The following ZRANB3 variants were observed in gnomAD, a reference collection of about 807,000 sequenced individuals.
ZRANB3 encodes the protein DNA annealing helicase and endonuclease ZRANB3.
Under a neutral mutation model 133.8 loss-of-function variants are expected in ZRANB3, and 125 were observed. That is an observed-to-expected ratio of 0.93 (90% CI 0.81 to 1.08). The LOEUF is 1.08. ZRANB3 is among the 50% of genes least tolerant of loss of function. The probability of loss-of-function intolerance (pLI) is 0.00; values close to 1 mark genes in which losing one functional copy is unlikely to be tolerated. For synonymous variants in ZRANB3, 387 were observed against 432.7 expected (o/e 0.89, Z 1.31); for missense variants, 1,229 against 1,275.5 (o/e 0.96, Z 0.56).
chr2:135,227,708 TA>T, intron 14 of ZRANB3, 103 bp downstream of exon 14: 1 of 1,188,056 alleles, frequency 8.4e-7, no homozygotes, highest in Non-Finnish European at 1.2e-6. Context: ...TAAAAGAGAG[TA>T]AAAGGAACCT....
At chr2:135,302,298 C>A (rs1035642353) in intron 8 of ZRANB3, among the ~76,000 whole-genome samples, 1 of 152,082 alleles carries the variant, frequency 6.6e-6, no homozygotes, top group Non-Finnish European at 1.5e-5. Context: ...GTTCCAATTT[C>A]CATAGGTGGT....
intron 2 of ZRANB3, among the ~76,000 whole-genome samples, chr2:135,472,710 A>G (rs1267484317): frequency 6.6e-6 from 1 of 152,154 alleles, no homozygotes. Context: ...AGAAAGAGTA[A>G]AGCAAAAATA....
chr2:135,359,633 GAGAAGAAA>G, intron 3 of ZRANB3, among the ~76,000 whole-genome samples: 2 of 150,614 alleles, frequency 1.3e-5, no homozygotes, highest in South Asian at 4.2e-4. Context: ...GAAAAGAAAG[GAGAAGAAA>G]AGAAGAAAAG....
chr2:135,342,949 G>T (rs1368292997), intron 6 of ZRANB3, among the ~76,000 whole-genome samples: 2 of 140,824 alleles, frequency 1.4e-5, no homozygotes, highest in East Asian at 4.1e-4. Flanking sequence ...TGGATCACCT[G>T]AGGTCAGGAA....
chr2:135,403,615 A>G (rs1298230488), intron 2 of ZRANB3, among the ~76,000 whole-genome samples: 1 of 152,248 alleles, frequency 6.6e-6, no homozygotes, highest in Non-Finnish European at 1.5e-5. Flanking sequence ...TGGTTATCCC[A>G]GCACGCAGCT....
chr2:135,426,891 T>A (rs1332688260), intron 2 of ZRANB3, among the ~76,000 whole-genome samples: 11 of 56,600 alleles, frequency 1.9e-4, no homozygotes, highest in Admixed American at 2.6e-4. Context: ...TATATATATA[T>A]ATATATATAT....
Position 135,200,398 on chromosome 2 carries a change from G to C in ZRANB3, c.3184C>G (p.Gln1062Glu). The C allele has an allele frequency of 6.2e-7, 1 of 1,607,974 alleles. No homozygotes were observed. Among genetic ancestry groups the C allele is most frequent in the Non-Finnish European group, 8.5e-7 (1 of 1,177,028 alleles). ...QAKERSQVRRQSLASKHGSDI... is the reference protein window; with the variant it reads ...QAKERSQVRRESLASKHGSDI... ...GATCCATGCTTTGATGCTAGAGATTGTCTTCTCACCTGGCTTCTTTCCTTA... is the reference window on the plus strand; with the variant it reads ...GATCCATGCTTTGATGCTAGAGATTCTCTTCTCACCTGGCTTCTTTCCTTA... The change falls in exon 21 of 21, where the codon CAA becomes GAA. Residue 1062 changes from glutamine to glutamate, a missense_variant. Coordinates refer to ENST00000264159, the MANE Select transcript of ZRANB3 (RefSeq NM_032143.4).
At chr2:135,324,767 C>T (rs529754149) in intron 6 of ZRANB3, among the ~76,000 whole-genome samples, 34 of 152,146 alleles carry the variant, frequency 2.2e-4, no homozygotes, top group South Asian at 6.2e-4. Context: ...TTTTAATGAT[C>T]GCCATTCTAA....
intron 2 of ZRANB3, among the ~76,000 whole-genome samples, chr2:135,457,446 C>T (rs907585327): frequency 4.6e-5 from 7 of 152,078 alleles, no homozygotes; most frequent in African/African-American, 1.7e-4. Flanking sequence ...TTCAATTAAT[C>T]CACATCCTTG....
chr2:135,395,456 T>A (rs1687447453), intron 2 of ZRANB3, among the ~76,000 whole-genome samples: 1 of 151,284 alleles, frequency 6.6e-6, no homozygotes, highest in Non-Finnish European at 1.5e-5. Flanking sequence ...TTTTTTTTTT[T>A]TTTAATTTTT....
chr2:135,431,315 G>T (rs1398739839), intron 2 of ZRANB3, among the ~76,000 whole-genome samples: 1 of 150,202 alleles, frequency 6.7e-6, no homozygotes, highest in African/African-American at 2.4e-5. Context: ...AAATATATAT[G>T]TAAAAAAAAG....
At chr2:135,294,721 C>G (rs1337361096) in intron 8 of ZRANB3, among the ~76,000 whole-genome samples, 1 of 152,048 alleles carries the variant, frequency 6.6e-6, no homozygotes, top group African/African-American at 2.4e-5. Context: ...CCTGCTTTCT[C>G]TTGTGGGCAT....
At chr2:135,499,208 C>T (rs779836328) in intron 2 of ZRANB3, among the ~76,000 whole-genome samples, 1 of 151,986 alleles carries the variant, frequency 6.6e-6, no homozygotes, top group African/African-American at 2.4e-5. Context: ...TCAGGCCAGC[C>T]GACACTTAGG....
intron 3 of ZRANB3, among the ~76,000 whole-genome samples, chr2:135,381,735 T>A (rs576398676): frequency 5.3e-5 from 8 of 152,288 alleles, no homozygotes; most frequent in Admixed American, 2.6e-4. Context: ...AGGAAACCAG[T>A]CTGGAGTGGA....
intron 12 of ZRANB3, among the ~76,000 whole-genome samples, chr2:135,256,421 C>T (rs539725067): frequency 6.6e-6 from 1 of 152,190 alleles, no homozygotes; most frequent in South Asian, 2.1e-4. Context: ...CTCTGCCTCC[C>T]GGGTATAGAC....
chr2:135,238,454 C>G (rs541406109), intron 12 of ZRANB3, among the ~76,000 whole-genome samples: 6 of 147,496 alleles, frequency 4.1e-5, no homozygotes, highest in African/African-American at 1.5e-4. Flanking sequence ...AGTACAATGG[C>G]GCAATCTTGG....
At chr2:135,287,309 T>C (rs1203882414) in intron 8 of ZRANB3, among the ~76,000 whole-genome samples, 1 of 152,236 alleles carries the variant, frequency 6.6e-6, no homozygotes, top group Non-Finnish European at 1.5e-5. Flanking sequence ...CCATGCTGTT[T>C]TGGTGACTAT....
intron 2 of ZRANB3, among the ~76,000 whole-genome samples, chr2:135,407,639 A>G (rs1688102469): frequency 6.6e-6 from 1 of 151,816 alleles, no homozygotes; most frequent in African/African-American, 2.4e-5. Context: ...AGACCAATGG[A>G]ACAGAACAGA....
intron 2 of ZRANB3, among the ~76,000 whole-genome samples, chr2:135,476,890 A>G (rs1311950541): frequency 6.6e-6 from 1 of 151,758 alleles, no homozygotes; most frequent in Non-Finnish European, 1.5e-5. Flanking sequence ...TTTTATTTAA[A>G]AGAAATTTTT....
Sources: allele counts gnomAD v4.1 joint callset (sites outside exome capture counted in the v4.1 genomes callset), GRCh38; gene constraint gnomAD v4.1.1; transcripts MANE v1.5; gene names NCBI Gene and HGNC (gene_info 2026-07-23, HGNC 2026-07-21).